The following CACNA2D3 variants were observed in gnomAD, a reference collection of about 807,000 sequenced individuals.
The protein encoded by CACNA2D3 is calcium voltage-gated channel auxiliary subunit alpha2delta 3.
In CACNA2D3, 60 loss-of-function variants were observed where a neutral mutation model predicts 160.6. The ratio of observed to expected loss-of-function variants is 0.37; its 90% CI spans 0.30 to 0.46. The LOEUF is 0.46. CACNA2D3 is among the 20% of genes least tolerant of loss of function. The probability of loss-of-function intolerance (pLI) is 1.00; values close to 1 mark genes in which losing one functional copy is unlikely to be tolerated. For missense variants in CACNA2D3, 1,205 were observed against 1,365.0 expected, an observed-to-expected ratio of 0.88 and a Z score of 1.85; for synonymous variants, 558 against 492.9, an observed-to-expected ratio of 1.13 and a Z score of -1.75.
intron 11 of CACNA2D3, among the ~76,000 whole-genome samples, chr3:54,708,361 A>G (rs1278889975): frequency 6.6e-6 from 1 of 152,212 alleles, no homozygotes; most frequent in African/African-American, 2.4e-5. Flanking sequence ...AGTCAGTGAG[A>G]TAAATTTTAA....
chr3:54,537,773 A>G (rs998538327), intron 5 of CACNA2D3, among the ~76,000 whole-genome samples: 1 of 152,168 alleles, frequency 6.6e-6, no homozygotes, highest in Admixed American at 6.5e-5. Context: ...CAGCACCTAC[A>G]GAAACTGTGA....
intron 27 of CACNA2D3, among the ~76,000 whole-genome samples, chr3:54,957,899 C>G (rs556759710): frequency 6.0e-4 from 92 of 152,324 alleles, no homozygotes; most frequent in African/African-American, 2.0e-3. Context: ...TCCTTCCCTC[C>G]CCTGCTGAGA....
chr3:54,560,113 G>T, intron 5 of CACNA2D3, among the ~76,000 whole-genome samples: 1 of 152,198 alleles, frequency 6.6e-6, no homozygotes, highest in Non-Finnish European at 1.5e-5. Flanking sequence ...TAATGGGATT[G>T]CTGAGTCTAA....
At chr3:54,210,406 A>G (rs1019906363) in intron 2 of CACNA2D3, among the ~76,000 whole-genome samples, 1 of 151,902 alleles carries the variant, frequency 6.6e-6, no homozygotes, top group Non-Finnish European at 1.5e-5. Flanking sequence ...TTAAAAATCT[A>G]TACACTGTGC....
chr3:54,774,684 G>GAGTGC, intron 13 of CACNA2D3, among the ~76,000 whole-genome samples: 1 of 138,464 alleles, frequency 7.2e-6, no homozygotes, highest in African/African-American at 2.7e-5. Flanking sequence ...GCCCAGGCTG[G>GAGTGC]AGTGCAGTGG....
At chr3:55,050,474 C>A (rs1214166655) in intron 35 of CACNA2D3, among the ~76,000 whole-genome samples, 3 of 151,418 alleles carry the variant, frequency 2.0e-5, no homozygotes, top group African/African-American at 7.3e-5. Flanking sequence ...GAGAGATCCG[C>A]TGTTAGTCTG....
intron 17 of CACNA2D3, among the ~76,000 whole-genome samples, chr3:54,859,972 G>GCGCGCACACACACACACACA (rs535185040): frequency 9.0e-5 from 12 of 133,884 alleles, no homozygotes; most frequent in Non-Finnish European, 1.6e-4. Flanking sequence ...GAAAGTAGAT[G>GCGCGCACACACACACACACA]CACACACACA....
chr3:54,383,983 TACAC>T (rs938282268), intron 3 of CACNA2D3, among the ~76,000 whole-genome samples: 3 of 152,246 alleles, frequency 2.0e-5, no homozygotes, highest in Non-Finnish European at 4.4e-5. Context: ...TACATATACA[TACAC>T]ACATATGTAA....
At chr3:54,390,579 C>T (rs1699262162) in intron 4 of CACNA2D3, among the ~76,000 whole-genome samples, 1 of 152,222 alleles carries the variant, frequency 6.6e-6, no homozygotes, top group Admixed American at 6.5e-5. Context: ...GTGCTCCGAC[C>T]TCAGTGAACT....
At position 54,478,660 on chromosome 3, in the gene CACNA2D3, G is replaced by GTGTATATATATATATATTGC; in HGVS notation, c.382-24831_382-24830insGTATATATATATATATTGCT. Among the ~76,000 whole-genome samples, 37 of 36,380 alleles carry GTGTATATATATATATATTGC rather than the reference G, an allele frequency of 1.0e-3. 5 individuals carry two copies. The South Asian group carries it at 0.027, about 27-fold the overall frequency. The allele number at this position is 36,380 out of a possible 152,430, so 23.9% of individuals were successfully genotyped here. A position where few individuals can be genotyped will look rare whatever the true frequency, so the allele number is the denominator to read the frequency against. The stretch of plus-strand genomic sequence containing the variant: ...AAAATATATATATAAATATGTGTGT[G>GTGTATATATATATATATTGC]TATATATATATATATATATTGCTTG... On this transcript the variant is annotated intron_variant, in intron 4 of 37. Transcript: ENST00000474759.
chr3:54,892,583 A>G (rs191189437), intron 25 of CACNA2D3, among the ~76,000 whole-genome samples: 5 of 152,298 alleles, frequency 3.3e-5, no homozygotes, highest in Admixed American at 6.5e-5. Flanking sequence ...TATAGTTGCA[A>G]CTTGATTTTT....
intron 24 of CACNA2D3, 88 bp downstream of exon 24, chr3:54,888,140 T>G: frequency 9.5e-7 from 1 of 1,047,398 alleles, no homozygotes; most frequent in Non-Finnish European, 1.5e-6. Flanking sequence ...TAAACTGTTT[T>G]AGGAACCTGG....
intron 13 of CACNA2D3, among the ~76,000 whole-genome samples, chr3:54,768,548 A>G (rs4563383): frequency 0.41 from 62,823 of 152,076 alleles, 14,128 homozygotes; most frequent in Non-Finnish European, 0.49. Context: ...TTGTGACCAC[A>G]GAGCCAAAAT....
chr3:54,522,925 TTTATTTATTTAC>T (rs879937734), intron 5 of CACNA2D3, among the ~76,000 whole-genome samples: 1,637 of 107,312 alleles, frequency 0.015, 32 homozygotes, highest in Admixed American at 0.07. Context: ...TATTTATTTA[TTTATTTATTTAC>T]TTACTTACTT....
intron 31 of CACNA2D3, among the ~76,000 whole-genome samples, chr3:54,997,588 T>C (rs1049064794): frequency 7.2e-6 from 1 of 138,476 alleles, no homozygotes; most frequent in Non-Finnish European, 1.5e-5. Context: ...TAACTAGATA[T>C]GGTGACATGC....
chr3:54,561,909 G>T (rs72865391), intron 5 of CACNA2D3, among the ~76,000 whole-genome samples: 4,355 of 152,272 alleles, frequency 0.029, 182 homozygotes, highest in African/African-American at 0.1. Context: ...GGCAAAGGAG[G>T]AGCAAAGGCA....
At chr3:54,968,028 G>A (rs1361037818) in intron 27 of CACNA2D3, among the ~76,000 whole-genome samples, 2 of 152,124 alleles carry the variant, frequency 1.3e-5, no homozygotes, top group African/African-American at 2.4e-5. Context: ...CAAATGTTAC[G>A]TCTCAAAAAC....
chr3:54,645,697 T>C (rs1038819194), intron 11 of CACNA2D3, among the ~76,000 whole-genome samples: 3 of 152,196 alleles, frequency 2.0e-5, no homozygotes, highest in Non-Finnish European at 4.4e-5. Context: ...GCCTTCCCTC[T>C]TCTTCTCCAG....
chr3:54,194,764 C>T (rs1192582081), intron 2 of CACNA2D3, among the ~76,000 whole-genome samples: 1 of 152,150 alleles, frequency 6.6e-6, no homozygotes, highest in African/African-American at 2.4e-5. Flanking sequence ...AGAGAGTGAA[C>T]CCACTCCCTC....
Sources: gnomAD v4.1 joint callset for allele counts (sites outside exome capture counted in the v4.1 genomes callset) on GRCh38, gnomAD v4.1.1 for gene constraint, MANE v1.5 for transcripts, NCBI Gene and HGNC (gene_info 2026-07-23, HGNC 2026-07-21) for gene names.